The following VTA1 variants were observed in gnomAD, a reference collection of about 807,000 sequenced individuals.
VTA1 encodes vacuolar protein sorting-associated protein VTA1 homolog.
VTA1 carries 24 observed loss-of-function variants against 36.9 expected under a neutral mutation model. The observed-to-expected ratio is 0.65, with a 90% CI of 0.47 to 0.91. The LOEUF is 0.91. Among genes scored for constraint, VTA1 ranks in the 40% least tolerant of loss-of-function variants. VTA1 has a pLI of 0.00. For missense variants in VTA1, 393 were observed against 377.2 expected (o/e 1.04, Z -0.35); for synonymous variants, 142 against 130.2 (o/e 1.09, Z -0.62).
chr6:142,215,097 C>T (rs980521999), intron 7 of VTA1, among the ~76,000 whole-genome samples: 4 of 152,140 alleles, frequency 2.6e-5, no homozygotes, highest in African/African-American at 9.7e-5. Context: ...TTTACTTTTA[C>T]ATCTCTGAAT....
chr6:142,176,735 G>T (rs1452172477), intron 4 of VTA1, among the ~76,000 whole-genome samples: 1 of 151,968 alleles, frequency 6.6e-6, no homozygotes, highest in Non-Finnish European at 1.5e-5. Flanking sequence ...TGCTATGTGT[G>T]TTTCAAATAT....
Position 142,220,179 on chromosome 6 carries a change from C to A in VTA1, c.*1536C>A, listed in dbSNP as rs1776081446. 1 of 152,170 alleles carries A rather than the reference C, an allele frequency of 6.6e-6. No homozygotes were observed. The highest frequency in any genetic ancestry group is 6.5e-5 in the Admixed American group (1 of 15,274). The allele number at this position is 152,170 out of a possible 1,614,324, so 9.4% of individuals were successfully genotyped here. A position where few individuals can be genotyped will look rare whatever the true frequency, so the allele number is the denominator to read the frequency against. On this transcript the variant is annotated 3_prime_UTR_variant, in exon 8 of 8. Transcript: ENST00000367630. Reference sequence around the variant, plus strand: ...CTAAAAAACATTTTCCTATCTTTTACAAGAGGTATGAACATTTGTAGGGTT... The same window carrying A: ...CTAAAAAACATTTTCCTATCTTTTAAAAGAGGTATGAACATTTGTAGGGTT...
At chr6:142,178,519 C>A (rs776366253) in intron 4 of VTA1, among the ~76,000 whole-genome samples, 1 of 151,990 alleles carries the variant, frequency 6.6e-6, no homozygotes, top group African/African-American at 2.4e-5. Context: ...ATTTGATTTA[C>A]AGGAAGGAAT....
At chr6:142,177,972 A>T (rs1775157360) in intron 4 of VTA1, among the ~76,000 whole-genome samples, 1 of 152,164 alleles carries the variant, frequency 6.6e-6, no homozygotes, top group African/African-American at 2.4e-5. Context: ...TAACATGTAC[A>T]TTTGGAGTTC....
Position 142,203,008 on chromosome 6 carries a change from G to C in VTA1, c.698-977G>C, listed in dbSNP as rs886378965. ...CCATTTTTTCTCTTAGGTTGGGGTT[G>C]AGAAAAATCTTAAAAGTCAAAACTT... is the stretch of plus-strand genomic sequence containing the variant. On this transcript the variant is annotated intron_variant, in intron 6 of 7. Transcript: ENST00000367630. Among the ~76,000 whole-genome samples the C allele has an allele frequency of 2.6e-5, 4 of 151,910 alleles. No individual in the cohort carries two copies. The East Asian group carries it at 7.7e-4, about 29-fold the overall frequency.
rs541178741 is a variant in VTA1, at chr6:142,214,268, G to C, written c.779-4230G>C. The stretch of plus-strand genomic sequence containing the variant: ...GCCTCTTTGCTAAAGCATAGCAAGA[G>C]TGACCTTACTCTAGTTCCCAATAAG... On this transcript the variant is annotated intron_variant, in intron 7 of 7. Coordinates refer to ENST00000367630, the MANE Select transcript of VTA1 (RefSeq NM_016485.5). Among the ~76,000 whole-genome samples, 14 of 152,196 alleles carry C rather than the reference G, an allele frequency of 9.2e-5. 1 individual carries two copies. The South Asian group carries it at 2.9e-3, about 32-fold the overall frequency.
chr6:142,160,565 A>G (rs1287791271), intron 1 of VTA1, among the ~76,000 whole-genome samples: 1 of 151,830 alleles, frequency 6.6e-6, no homozygotes, highest in Non-Finnish European at 1.5e-5. Flanking sequence ...TCAACTCAAG[A>G]GGACTGTTTT....
chr6:142,188,713 C>T (rs1217746430), intron 4 of VTA1, among the ~76,000 whole-genome samples: 1 of 150,644 alleles, frequency 6.6e-6, no homozygotes, highest in Non-Finnish European at 1.5e-5. Context: ...AACTAAAAAT[C>T]ACTAGCACAT....
intron 7 of VTA1, among the ~76,000 whole-genome samples, chr6:142,214,600 C>T (rs767354667): frequency 7.2e-5 from 11 of 152,172 alleles, no homozygotes; most frequent in Admixed American, 4.6e-4. Flanking sequence ...AACCATATCA[C>T]ACTGTAACAA....
intron 4 of VTA1, among the ~76,000 whole-genome samples, chr6:142,188,866 A>G (rs1779598568): frequency 6.6e-6 from 1 of 152,184 alleles, no homozygotes. Context: ...AGTTAACCCA[A>G]TGAGGTATTA....
At chr6:142,171,688 A>AT (rs1167788165) in intron 4 of VTA1, among the ~76,000 whole-genome samples, 1 of 152,208 alleles carries the variant, frequency 6.6e-6, no homozygotes, top group African/African-American at 2.4e-5. Context: ...CTGAGAGGGA[A>AT]TATATTAATC....
Position 142,166,282 on chromosome 6 carries a change from G to T in VTA1, c.167G>T (p.Cys56Phe), listed in dbSNP as rs1405136671. ...GMKIDSKTPE[C>F]RKFLSKLMDQ... ...AAGATCGATAGTAAAACTCCTGAAT[G>T]TCGCAAATTTTTATCAAAGTTAATG... Residue 56 changes from cysteine (C) to phenylalanine (F), a missense_variant, in exon 2 of 8, where the codon TGT becomes TTT. Transcript: ENST00000367630. 6.2e-7 allele frequency: 1 copy of T among 1,612,532 alleles called. No homozygotes were observed. Among genetic ancestry groups the T allele is most frequent in the South Asian group, 1.1e-5 (1 of 90,852 alleles).
At chr6:142,147,570 C>T (rs530689602) in intron 1 of VTA1, among the ~76,000 whole-genome samples, 171 bp downstream of exon 1, 37 of 152,300 alleles carry the variant, frequency 2.4e-4, no homozygotes, top group African/African-American at 8.4e-4. Context: ...AGTAGGAATC[C>T]CAAAACACCA....
chr6:142,178,162 A>AGAGAAAATCTTGAAAAAGCAGCCTT (rs1188517568), intron 4 of VTA1, among the ~76,000 whole-genome samples: 1 of 152,154 alleles, frequency 6.6e-6, no homozygotes, highest in African/African-American at 2.4e-5. Context: ...TAGTGATGGA[A>AGAGAAAATCTTGAAAAAGCAGCCTT]GAGAAAATCT....
At chr6:142,214,483 C>G (rs1775968790) in intron 7 of VTA1, among the ~76,000 whole-genome samples, 1 of 152,166 alleles carries the variant, frequency 6.6e-6, no homozygotes, top group South Asian at 2.1e-4. Flanking sequence ...CATGAGAACT[C>G]ACTGTCACAA....
intron 4 of VTA1, among the ~76,000 whole-genome samples, chr6:142,173,707 C>T (rs1775067954): frequency 6.6e-6 from 1 of 152,190 alleles, no homozygotes; most frequent in Non-Finnish European, 1.5e-5. Flanking sequence ...GAATATGTAA[C>T]ACTTCCACAT....
chr6:142,165,728 T>C (rs572002535), intron 1 of VTA1, among the ~76,000 whole-genome samples: 164 of 152,316 alleles, frequency 1.1e-3, no homozygotes, highest in African/African-American at 3.9e-3. Flanking sequence ...ATCTCAGTTG[T>C]TTTTATTAAC....
At chr6:142,173,114 C>A (rs987595006) in intron 4 of VTA1, among the ~76,000 whole-genome samples, 3 of 152,042 alleles carry the variant, frequency 2.0e-5, no homozygotes, top group African/African-American at 7.2e-5. Context: ...GCAAGTATGA[C>A]AGCCAAAAAG....
In VTA1 at chr6:142,160,719, C is replaced by A. The variant is rs538718356; in HGVS notation, c.113-5509C>A. Among the ~76,000 whole-genome samples the A allele has an allele frequency of 5.3e-5, 8 of 152,170 alleles. No individual in the cohort carries two copies. The South Asian group carries it at 1.0e-3, about 20-fold the overall frequency. On this transcript the variant is annotated intron_variant, in intron 1 of 7. Coordinates refer to ENST00000367630, the MANE Select transcript of VTA1 (RefSeq NM_016485.5). ...ATCTCTGTTGTCTGAAAACTTGTTA[C>A]ATATATTTTGTTCAGATTTTTTCTG...
Sources: gnomAD v4.1 joint callset for allele counts (sites outside exome capture counted in the v4.1 genomes callset) on GRCh38, gnomAD v4.1.1 for gene constraint, MANE v1.5 for transcripts, NCBI Gene and HGNC (gene_info 2026-07-23, HGNC 2026-07-21) for gene names.